SGK2: variants seen among roughly 807,000 people sequenced by gnomAD.
SGK2 encodes the protein serum/glucocorticoid regulated kinase 2, also known as serine/threonine-protein kinase Sgk2.
Under a neutral mutation model 47.5 loss-of-function variants are expected in SGK2, and 36 were observed. The ratio of observed to expected loss-of-function variants is 0.76; its 90% CI spans 0.58 to 1.00. SGK2 has a LOEUF of 1.00. Among genes scored for constraint, SGK2 ranks in the 50% least tolerant of loss-of-function variants. The probability of loss-of-function intolerance (pLI) is 0.00; values close to 1 mark genes in which losing one functional copy is unlikely to be tolerated. For synonymous variants in SGK2, 157 were observed against 181.9 expected (o/e 0.86, Z 1.10); for missense variants, 404 against 467.4 (o/e 0.86, Z 1.25).
intron 9 of SGK2, among the ~76,000 whole-genome samples, chr20:43,573,962 GC>G (rs1385275889): frequency 2.6e-5 from 4 of 152,182 alleles, no homozygotes; most frequent in African/African-American, 7.2e-5. Context: ...GTGTTGGGGG[GC>G]ACAGGCAAGA....
At position 43,576,387 on chromosome 20, in the gene SGK2, A is replaced by G; in HGVS notation, c.849+8A>G. 6.2e-7 allele frequency: 1 copy of G among 1,613,078 alleles called. No homozygotes were observed. ...GGCTCCAAAGCAGACTTTGTAGGTG[A>G]CCTACCAGTGGAGCACTGGCCCCCA... On this transcript the variant is annotated splice_region_variant and intron_variant, in intron 11 of 12. Coordinates refer to ENST00000373100, the MANE Select transcript of SGK2 (RefSeq NM_170693.3).
chr20:43,563,162 A>G (rs923199914), intron 1 of SGK2, among the ~76,000 whole-genome samples: 7 of 150,946 alleles, frequency 4.6e-5, no homozygotes, highest in Non-Finnish European at 8.9e-5. Flanking sequence ...AAGAAAGAAA[A>G]AAAAAGATTT....
At chr20:43,567,546 T>C in intron 3 of SGK2, 119 bp from the exon 4 acceptor site, 2 of 897,436 alleles carry the variant, frequency 2.2e-6, no homozygotes, top group Non-Finnish European at 3.6e-6. Context: ...GAGGCATGGC[T>C]CCTGGAAGGC....
At chr20:43,577,136 G>A (rs1173086137) in intron 11 of SGK2, among the ~76,000 whole-genome samples, 1 of 152,120 alleles carries the variant, frequency 6.6e-6, no homozygotes, top group Non-Finnish European at 1.5e-5. Flanking sequence ...ATTAAGCTGA[G>A]GCTTGACGGA....
Position 43,570,742 on chromosome 20 carries a change from TGTGGCTC to T in SGK2, c.473+14_473+20del, listed in dbSNP as rs1980053159. The T allele has an allele frequency of 1.8e-5, 29 of 1,589,186 alleles. No individual in the cohort carries two copies. Among genetic ancestry groups the T allele is most frequent in the Non-Finnish European group, 2.5e-5 (29 of 1,158,888 alleles). Reference sequence around the variant, plus strand: ...ACATCATTTACAGGTGAGGCCTGCCTGTGGCTCAGAGCCAGGACCAAGCCCTTCTTGC... The same window carrying T: ...ACATCATTTACAGGTGAGGCCTGCCTAGAGCCAGGACCAAGCCCTTCTTGC... On this transcript the variant is annotated intron_variant, in intron 7 of 12. Coordinates refer to ENST00000373100, the MANE Select transcript of SGK2 (RefSeq NM_170693.3).
At chr20:43,580,198 T>G (rs971377957) in intron 12 of SGK2, 137 bp downstream of exon 12, 2 of 586,402 alleles carry the variant, frequency 3.4e-6, no homozygotes, top group African/African-American at 3.9e-5. Flanking sequence ...CACAGTCAGT[T>G]AGAGACAGAA....
intron 12 of SGK2, among the ~76,000 whole-genome samples, chr20:43,581,186 G>T (rs1460915467): frequency 1.3e-5 from 2 of 151,900 alleles, no homozygotes; most frequent in Admixed American, 1.3e-4. Context: ...GTTTTGTTTT[G>T]TTTTTAACCT....
chr20:43,581,462 T>C (rs1028139938), intron 12 of SGK2, among the ~76,000 whole-genome samples: 1 of 152,224 alleles, frequency 6.6e-6, no homozygotes, highest in African/African-American at 2.4e-5. Context: ...GTATATGTCT[T>C]TGCCCAGAAT....
chr20:43,567,244 C>G, intron 3 of SGK2, 127 bp downstream of exon 3: 1 of 780,614 alleles, frequency 1.3e-6, no homozygotes, highest in Non-Finnish European at 2.2e-6. Flanking sequence ...GGGCCCAGGA[C>G]CTTTCCCCAG....
At chr20:43,574,116 G>A (rs1006724153) in intron 9 of SGK2, among the ~76,000 whole-genome samples, 2 of 152,160 alleles carry the variant, frequency 1.3e-5, no homozygotes, top group Admixed American at 6.5e-5. Flanking sequence ...CTGAGACCAC[G>A]TACCAACCAC....
At position 43,573,468 on chromosome 20, in the gene SGK2, G is replaced by A. The variant is rs544302343; in HGVS notation, c.597+1331G>A. ...CGGGTCATTGCACTCCAGCCTGGTG[G>A]ACAAGAGCGAGACTCTGTCTCAAAA... On this transcript the variant is annotated intron_variant, in intron 9 of 12. Coordinates refer to ENST00000373100, the MANE Select transcript of SGK2 (RefSeq NM_170693.3). Among the ~76,000 whole-genome samples, 5 of 133,438 alleles carry A rather than the reference G, an allele frequency of 3.7e-5. No individual in the cohort carries two copies. In the East Asian group the frequency reaches 9.0e-4, roughly 24 times the overall value. 87.5% of individuals were successfully genotyped at this position (133,438 alleles called of 152,430 possible).
rs1440525325 is a variant in SGK2 at position 43,566,466 on chromosome 20, C to T, written c.-23-7C>T. ...TCTCTCATGCCTGCTCCTCCCTGTC[C>T]CCCCAGAGCTGCCTGATCATTGCTA... On this transcript the variant is annotated splice_polypyrimidine_tract_variant and splice_region_variant and intron_variant, in intron 1 of 12. Transcript: ENST00000373100. 6.2e-7 allele frequency: 1 copy of T among 1,614,074 alleles called. No homozygotes were observed. The highest frequency in any genetic ancestry group is 1.1e-5 in the South Asian group (1 of 91,074).
chr20:43,570,986 T>C, intron 7 of SGK2, 38 bp from the exon 8 acceptor site: 1 of 1,612,264 alleles, frequency 6.2e-7, no homozygotes, highest in East Asian at 2.2e-5. Flanking sequence ...ACTAAATGGC[T>C]GAGACACCTC....
At chr20:43,570,556 G>A in intron 6 of SGK2, 61 bp from the exon 7 acceptor site, 1 of 1,135,250 alleles carries the variant, frequency 8.8e-7, no homozygotes, top group East Asian at 2.4e-5. Context: ...CGGGGAGCAG[G>A]TGCACCCTAG....
At chr20:43,559,504 T>G (rs1015436671) in intron 1 of SGK2, among the ~76,000 whole-genome samples, 1 of 152,190 alleles carries the variant, frequency 6.6e-6, no homozygotes, top group Non-Finnish European at 1.5e-5. Flanking sequence ...GTTATGTCAT[T>G]TATTAACTGT....
At chr20:43,583,316 A>G (rs752299580) in intron 12 of SGK2, 4 of 1,288,800 alleles carry the variant, frequency 3.1e-6, no homozygotes, top group Non-Finnish European at 3.0e-6. Context: ...TGGACTTTAG[A>G]ATGAGACACT....
Position 43,576,218 on chromosome 20 carries a change from C to T in SGK2, c.694-6C>T. 2 of 1,613,588 alleles carry T rather than the reference C, an allele frequency of 1.2e-6. No individual in the cohort carries two copies. Among genetic ancestry groups the T allele is most frequent in the Non-Finnish European group, 1.7e-6 (2 of 1,179,624 alleles). On this transcript the variant is annotated splice_polypyrimidine_tract_variant and splice_region_variant and intron_variant, in intron 10 of 12. Coordinates refer to ENST00000373100, the MANE Select transcript of SGK2 (RefSeq NM_170693.3). Reference sequence around the variant, plus strand: ...GATCCTCCAGCTGTTCTCCCTCTCTCCCCAGCCGCCCTTCTACAGCCAAGA... The same window carrying T: ...GATCCTCCAGCTGTTCTCCCTCTCTTCCCAGCCGCCCTTCTACAGCCAAGA...
intron 1 of SGK2, among the ~76,000 whole-genome samples, chr20:43,563,320 T>C (rs542814387): frequency 6.6e-6 from 1 of 151,910 alleles, no homozygotes; most frequent in East Asian, 1.9e-4. Context: ...GCACAAGAGA[T>C]GGAGGAAGAG....
At chr20:43,563,310 G>A (rs1484629038) in intron 1 of SGK2, among the ~76,000 whole-genome samples, 1 of 152,172 alleles carries the variant, frequency 6.6e-6, no homozygotes, top group African/African-American at 2.4e-5. Context: ...GGAAAATCCA[G>A]CACAAGAGAT....
Sources: gnomAD v4.1 joint callset for allele counts (sites outside exome capture counted in the v4.1 genomes callset) on GRCh38, gnomAD v4.1.1 for gene constraint, MANE v1.5 for transcripts, NCBI Gene and HGNC (gene_info 2026-07-23, HGNC 2026-07-21) for gene names.